ERG: variants seen among roughly 807,000 people sequenced by gnomAD.
ERG encodes the protein transcriptional regulator ERG.
Under a neutral mutation model 55.3 loss-of-function variants are expected in ERG, and 9 were observed. The ratio of observed to expected loss-of-function variants is 0.16; its 90% CI spans 0.10 to 0.28. ERG has a LOEUF of 0.28. Among genes scored for constraint, ERG ranks in the 10% least tolerant of loss-of-function variants. ERG has a pLI of 1.00. For missense variants in ERG, 434 were observed against 631.6 expected, an observed-to-expected ratio of 0.69 and a Z score of 3.35; for synonymous variants, 223 against 237.3, an observed-to-expected ratio of 0.94 and a Z score of 0.55.
At chr21:38,428,381 C>T (rs911996916) in intron 2 of ERG, among the ~76,000 whole-genome samples, 15 of 152,254 alleles carry the variant, frequency 9.9e-5, no homozygotes, top group East Asian at 3.9e-4. Context: ...CACACATCGC[C>T]GGGAAAAAGT....
downstream of ERG, among the ~76,000 whole-genome samples, chr21:38,379,692 A>T (rs1241876885): frequency 6.6e-6 from 1 of 152,198 alleles, no homozygotes; most frequent in African/African-American, 2.4e-5. Flanking sequence ...AAGTTAGAAA[A>T]GTTTATCTAG....
rs929460245 is a variant in ERG, at chr21:38,383,639, G to T, written c.1204C>A (p.His402Asn). 3 of 1,614,100 alleles carry T rather than the reference G, an allele frequency of 1.9e-6. No individual in the cohort carries two copies. Among genetic ancestry groups the T allele is most frequent in the Non-Finnish European group, 2.5e-6 (3 of 1,179,990 alleles). Reference sequence around the variant, plus strand: ...TTGTACAGAGATGACTCCGGGGGGTGGGGCTGGAGGGCCTGGGCGATCCCG... The same window carrying T: ...TTGTACAGAGATGACTCCGGGGGGTTGGGCTGGAGGGCCTGGGCGATCCCG... The part of the protein sequence containing the change: ...FHGIAQALQP[H>N]PPESSLYKYP... Residue 402 changes from histidine (H) to asparagine (N), a missense_variant, in exon 10 of 10, where the codon CAC becomes AAC. This residue lies in a region of ERG where 107 missense variants were observed against 126.8 expected (regional missense o/e 0.84). Transcript: ENST00000288319. This position sits in a 1 kb window ranked among gnomAD's most constrained non-coding sequence, Gnocchi z 5.7.
intron 2 of ERG, among the ~76,000 whole-genome samples, chr21:38,541,069 T>C (rs988368594): frequency 3.3e-5 from 5 of 152,150 alleles, no homozygotes; most frequent in Non-Finnish European, 7.4e-5. Flanking sequence ...GACCACAACT[T>C]GGAGTGGAAA....
At chr21:38,575,894 C>T (rs753022766) in intron 1 of ERG, 51 of 636,340 alleles carry the variant, frequency 8.0e-5, no homozygotes, top group Non-Finnish European at 1.3e-4. Context: ...CCTCTAGGTA[C>T]GTGTGGTCCA....
chr21:38,419,912 C>T (rs865996817), intron 3 of ERG, among the ~76,000 whole-genome samples: 10 of 152,182 alleles, frequency 6.6e-5, no homozygotes, highest in African/African-American at 2.2e-4. Flanking sequence ...GTGGTTTTAT[C>T]TCTCAGTCTC....
chr21:38,635,200 T>C (rs185065236), intron 1 of ERG, among the ~76,000 whole-genome samples: 1 of 152,302 alleles, frequency 6.6e-6, no homozygotes, highest in Admixed American at 6.5e-5. Context: ...CTTTTCCATA[T>C]GGTACTATCA....
intron 3 of ERG, among the ~76,000 whole-genome samples, chr21:38,408,879 C>T (rs1344322071): frequency 5.3e-5 from 8 of 152,130 alleles, no homozygotes; most frequent in African/African-American, 1.7e-4. Flanking sequence ...TGTTTAGGTG[C>T]GACCTTCTGC....
At chr21:38,457,394 C>T (rs1394208869) in intron 1 of ERG, among the ~76,000 whole-genome samples, 3 of 151,468 alleles carry the variant, frequency 2.0e-5, no homozygotes, top group African/African-American at 7.3e-5. Flanking sequence ...CGAGATCATG[C>T]CACTGCACTC....
Position 38,595,252 on chromosome 21 carries a change from G to T in ERG, c.-149-10307C>A, listed in dbSNP as rs551911225. Among the ~76,000 whole-genome samples the T allele has an allele frequency of 6.6e-5, 10 of 152,294 alleles. No homozygotes were observed. In the South Asian group the frequency reaches 2.1e-3, roughly 32 times the overall value. On this transcript the variant is annotated intron_variant, in intron 1 of 10. Transcript: ENST00000398910. Reference sequence around the variant, plus strand: ...GATTCATGAGGCAGGAGACTACAGGGAGGGAAGGCCAGAGGCAGAGAGGCC... The same window carrying T: ...GATTCATGAGGCAGGAGACTACAGGTAGGGAAGGCCAGAGGCAGAGAGGCC...
At chr21:38,598,542 T>C (rs545790689) in intron 1 of ERG, among the ~76,000 whole-genome samples, 4 of 152,316 alleles carry the variant, frequency 2.6e-5, no homozygotes, top group African/African-American at 9.6e-5. Context: ...AAATGGGACA[T>C]TTCCTGCCAT....
chr21:38,566,472 G>T (rs1488026076), intron 2 of ERG, among the ~76,000 whole-genome samples: 1 of 152,134 alleles, frequency 6.6e-6, no homozygotes, highest in African/African-American at 2.4e-5. Flanking sequence ...CTCAACTACT[G>T]GGGGCTAACC....
intron 5 of ERG, among the ~76,000 whole-genome samples, chr21:38,401,679 T>C (rs1018165170): frequency 3.3e-5 from 5 of 152,174 alleles, no homozygotes; most frequent in Non-Finnish European, 7.4e-5. Flanking sequence ...TCTCCCTCCC[T>C]AGCCCGAGTG....
At chr21:38,638,064 A>G (rs2060401068) in intron 1 of ERG, among the ~76,000 whole-genome samples, 1 of 152,250 alleles carries the variant, frequency 6.6e-6, no homozygotes, top group Non-Finnish European at 1.5e-5. Flanking sequence ...AACACAGCAC[A>G]TGCAACTCGA....
chr21:38,576,547 T>C (rs1328104708), intron 1 of ERG, among the ~76,000 whole-genome samples: 1 of 152,178 alleles, frequency 6.6e-6, no homozygotes, highest in Non-Finnish European at 1.5e-5. Flanking sequence ...TTTCCAGAAA[T>C]AAATACTTCA....
intron 2 of ERG, among the ~76,000 whole-genome samples, chr21:38,554,945 G>A (rs1450632683): frequency 6.6e-6 from 1 of 151,710 alleles, no homozygotes; most frequent in East Asian, 1.9e-4. Flanking sequence ...AAATACAGAT[G>A]AATAGTTATA....
chr21:38,471,795 T>C (rs1291722234), intron 1 of ERG: 4 of 152,258 alleles, frequency 2.6e-5, no homozygotes, highest in African/African-American at 4.8e-5. Context: ...TTGTTAATAA[T>C]GGAAAGTAAT....
chr21:38,530,032 CA>C (rs2059660853), intron 2 of ERG, among the ~76,000 whole-genome samples: 1 of 152,128 alleles, frequency 6.6e-6, no homozygotes, highest in South Asian at 2.1e-4. Context: ...TGTCCTGGAA[CA>C]GAAGACACGA....
chr21:38,532,027 C>T (rs2059675904), intron 2 of ERG, among the ~76,000 whole-genome samples: 2 of 152,138 alleles, frequency 1.3e-5, no homozygotes, highest in Non-Finnish European at 2.9e-5. Flanking sequence ...AAAACAAAGT[C>T]AAATTGTGTT....
At position 38,441,892 on chromosome 21, in the gene ERG, C is replaced by T. The variant is rs536972385; in HGVS notation, c.236+3512G>A. Among the ~76,000 whole-genome samples, 9 of 152,326 alleles carry T rather than the reference C, an allele frequency of 5.9e-5. No homozygotes were observed. In the South Asian group the frequency reaches 1.9e-3, roughly 32 times the overall value. On this transcript the variant is annotated intron_variant, in intron 2 of 9. Coordinates refer to ENST00000288319, the MANE Select transcript of ERG (RefSeq NM_182918.4). ...AGGTCCACCTTGTTCCCTTCATGAA[C>T]AGCACCTGCCAAACCGACATCACCG...
Sources: allele counts gnomAD v4.1 joint callset (sites outside exome capture counted in the v4.1 genomes callset), GRCh38; gene constraint gnomAD v4.1.1; regional missense constraint gnomAD v4.1.1; non-coding constraint Gnocchi (gnomAD v3.1); transcripts MANE v1.5; gene names NCBI Gene and HGNC (gene_info 2026-07-23, HGNC 2026-07-21).